TTLL9: variants seen among roughly 807,000 people sequenced by gnomAD.
TTLL9 encodes tubulin tyrosine ligase like 9, also known as probable tubulin polyglutamylase TTLL9.
In TTLL9, 47 loss-of-function variants were observed where a neutral mutation model predicts 65.6. The observed-to-expected ratio is 0.72, with a 90% CI of 0.57 to 0.91. The LOEUF is 0.91. TTLL9 is among the 40% of genes least tolerant of loss of function. TTLL9 has a pLI of 0.00. For missense variants in TTLL9, 537 were observed against 568.8 expected (o/e 0.94, Z 0.57); for synonymous variants, 179 against 204.8 (o/e 0.87, Z 1.07).
chr20:31,931,815 T>C (rs2123612904), intron 10 of TTLL9, among the ~76,000 whole-genome samples: 2 of 152,368 alleles, frequency 1.3e-5, no homozygotes, highest in Middle Eastern at 3.4e-3. Flanking sequence ...TTTACAAATA[T>C]TTTTTCTCAT....
At chr20:31,872,923 C>T (rs956937819) in intron 2 of TTLL9, 26 of 479,938 alleles carry the variant, frequency 5.4e-5, no homozygotes, top group East Asian at 1.2e-4. Context: ...TCTCTTCTGT[C>T]GGATAAAAAT....
chr20:31,942,951 T>C lies in TTLL9; in HGVS notation c.1250T>C (p.Val417Ala). 1.9e-6 allele frequency: 3 copies of C among 1,614,114 alleles called. No homozygotes were observed. The highest frequency in any genetic ancestry group is 2.5e-6 in the Non-Finnish European group (3 of 1,180,006). ...CACCCCACTTCCTTTCCAGGCTGCG[T>C]CAACGATCGGAAGAAACAACTGAGG... Reference protein sequence around the residue: ...NFVTNTHLGCVNDRKKQLRQL... With the variant: ...NFVTNTHLGCANDRKKQLRQL... The change falls in exon 15 of 15, where the codon GTC (valine) becomes GCC (alanine). Residue 417 changes from valine (V) to alanine (A), a missense_variant. By Grantham distance (64) the Val-to-Ala change is moderately conservative. This residue lies in a region of TTLL9 where 205 missense variants were observed against 225.9 expected (regional missense o/e 0.91). Coordinates refer to ENST00000535842, the MANE Select transcript of TTLL9 (RefSeq NM_001008409.5).
At chr20:31,898,641 G>C (rs560476881) in intron 4 of TTLL9, 76 bp downstream of exon 4, 3 of 1,363,582 alleles carry the variant, frequency 2.2e-6, no homozygotes, top group Non-Finnish European at 3.1e-6. Flanking sequence ...TTTTCTCCCA[G>C]TTCCCCTGGG....
intron 10 of TTLL9, among the ~76,000 whole-genome samples, chr20:31,929,547 A>C (rs1600613926): frequency 1.3e-5 from 2 of 151,372 alleles, no homozygotes; most frequent in East Asian, 3.9e-4. Flanking sequence ...TATAAATACA[A>C]CATTTTCTTG....
At chr20:31,929,667 T>G (rs138308290) in intron 10 of TTLL9, among the ~76,000 whole-genome samples, 1 of 152,302 alleles carries the variant, frequency 6.6e-6, no homozygotes, top group East Asian at 1.9e-4. Flanking sequence ...CTGCAGGCAT[T>G]TGGGAAGTAT....
chr20:31,916,701 G>A (rs1050687828), intron 6 of TTLL9, among the ~76,000 whole-genome samples: 1 of 152,234 alleles, frequency 6.6e-6, no homozygotes, highest in African/African-American at 2.4e-5. Flanking sequence ...CCTCATGGAT[G>A]TGACATGGCT....
chr20:31,902,790 A>T (rs1338664676), intron 4 of TTLL9, among the ~76,000 whole-genome samples: 1 of 152,204 alleles, frequency 6.6e-6, no homozygotes, highest in Non-Finnish European at 1.5e-5. Flanking sequence ...ATGCCATTTT[A>T]CATTAACACC....
chr20:31,919,959 C>T (rs2063791910), intron 7 of TTLL9, 27 bp downstream of exon 7: 1 of 1,553,808 alleles, frequency 6.4e-7, no homozygotes, highest in African/African-American at 1.4e-5. Context: ...CCCCTTCCTC[C>T]CTGAACCCTC....
intron 2 of TTLL9, among the ~76,000 whole-genome samples, chr20:31,886,548 G>A (rs912879856): frequency 5.3e-5 from 8 of 150,642 alleles, no homozygotes; most frequent in Non-Finnish European, 1.2e-4. Context: ...AGCTGGGTAC[G>A]GTGGCTCACA....
intron 2 of TTLL9, among the ~76,000 whole-genome samples, chr20:31,882,521 C>T (rs1359449881): frequency 6.6e-6 from 1 of 152,092 alleles, no homozygotes; most frequent in Non-Finnish European, 1.5e-5. Flanking sequence ...ATTCGTGCTA[C>T]CTTCCATGAA....
chr20:31,908,952 G>C (rs2063601829), intron 5 of TTLL9, among the ~76,000 whole-genome samples: 1 of 151,948 alleles, frequency 6.6e-6, no homozygotes, highest in African/African-American at 2.4e-5. Flanking sequence ...ATGGTTTGAG[G>C]GTGCAGGGTC....
chr20:31,923,384 CT>C (rs1317944778), intron 8 of TTLL9, among the ~76,000 whole-genome samples: 1 of 152,226 alleles, frequency 6.6e-6, no homozygotes, highest in Non-Finnish European at 1.5e-5. Context: ...CCCTGCTCTC[CT>C]GGAGCTTACA....
chr20:31,915,036 C>T (rs187061537), intron 6 of TTLL9, among the ~76,000 whole-genome samples: 6 of 152,320 alleles, frequency 3.9e-5, no homozygotes, highest in African/African-American at 1.4e-4. Context: ...CTCACAGCTA[C>T]CACAATTTCA....
intron 3 of TTLL9, among the ~76,000 whole-genome samples, chr20:31,893,696 T>C (rs2063342424): frequency 6.6e-6 from 1 of 151,852 alleles, no homozygotes; most frequent in Admixed American, 6.6e-5. Flanking sequence ...GACTGTTCTG[T>C]TTTTCAGCAA....
rs910362824 is a variant in TTLL9 at position 31,908,455 on chromosome 20, G to A, written c.207-136G>A. 9 of 625,696 alleles carry A rather than the reference G, an allele frequency of 1.4e-5. No individual in the cohort carries two copies. The African/African-American group carries it at 1.6e-4, about 11-fold the overall frequency. The allele number at this position is 625,696 out of a possible 1,614,324, so 38.8% of individuals were successfully genotyped here. A position where few individuals can be genotyped will look rare whatever the true frequency, so the allele number is the denominator to read the frequency against. On this transcript the variant is annotated intron_variant, in intron 4 of 14. Coordinates refer to ENST00000535842, the MANE Select transcript of TTLL9 (RefSeq NM_001008409.5). ...CACATGTAGGCCAGTGGCACCCATG[G>A]CCACCTCCAAGAGACTCTAGAGGGA...
chr20:31,923,747 G>A (rs1433529076), intron 8 of TTLL9, among the ~76,000 whole-genome samples: 3 of 152,078 alleles, frequency 2.0e-5, no homozygotes, highest in African/African-American at 4.8e-5. Flanking sequence ...TTGCAATAGC[G>A]TTAATGCCAG....
At chr20:31,893,291 C>CTTTTTTT (rs34875132) in intron 3 of TTLL9, among the ~76,000 whole-genome samples, 6 of 130,116 alleles carry the variant, frequency 4.6e-5, no homozygotes, top group African/African-American at 8.5e-5. Flanking sequence ...TGTTCTTTTT[C>CTTTTTTT]TTTTTTTTTT....
intron 10 of TTLL9, among the ~76,000 whole-genome samples, chr20:31,932,763 G>A (rs369107877): frequency 2.3e-4 from 35 of 152,184 alleles, no homozygotes; most frequent in African/African-American, 8.2e-4. Flanking sequence ...TCTGGAGGCC[G>A]AGGCGGGTGG....
At chr20:31,925,075 C>T in intron 9 of TTLL9, 26 bp downstream of exon 9, 13 of 1,613,668 alleles carry the variant, frequency 8.1e-6, no homozygotes, top group East Asian at 2.2e-5. Flanking sequence ...GGGGGCCCTC[C>T]TCCAGCAGGG....
Sources: gnomAD v4.1 joint callset for allele counts (sites outside exome capture counted in the v4.1 genomes callset) on GRCh38, gnomAD v4.1.1 for gene constraint, gnomAD v4.1.1 regional missense constraint, MANE v1.5 for transcripts, NCBI Gene and HGNC (gene_info 2026-07-23, HGNC 2026-07-21) for gene names.